ITPR1: variants seen among roughly 807,000 people sequenced by gnomAD.
The protein encoded by ITPR1 is inositol 1,4,5-trisphosphate receptor type 1, also known as inositol 1,4,5-trisphosphate-gated calcium channel ITPR1.
In ITPR1, 96 loss-of-function variants were observed where a neutral mutation model predicts 318.4. The ratio of observed to expected loss-of-function variants is 0.30; its 90% CI spans 0.26 to 0.36. The LOEUF (loss-of-function observed/expected upper bound fraction) is 0.36. Among genes scored for constraint, ITPR1 ranks in the 10% least tolerant of loss-of-function variants. The pLI is 1.00. For missense variants in ITPR1, 2,440 were observed against 3,460.2 expected (o/e 0.71, Z 7.40); for synonymous variants, 1,312 against 1,289.9 (o/e 1.02, Z -0.37).
chr3:4,636,123 A>T (rs1265257015), intron 5 of ITPR1, among the ~76,000 whole-genome samples: 28 of 152,200 alleles, frequency 1.8e-4, no homozygotes, highest in Admixed American at 1.8e-3. Flanking sequence ...CTGGGATTAC[A>T]GGCATGAGCC....
chr3:4,701,524 G>A (rs1310845108), intron 35 of ITPR1, among the ~76,000 whole-genome samples: 6 of 152,110 alleles, frequency 3.9e-5, no homozygotes, highest in African/African-American at 1.4e-4. Context: ...TACTATCTTG[G>A]GTGGCTGCAG....
chr3:4,811,180 C>T, intron 55 of ITPR1, 85 bp from the exon 56 acceptor site: 3 of 946,006 alleles, frequency 3.2e-6, no homozygotes, highest in Non-Finnish European at 4.6e-6. Context: ...AGGGCAAACT[C>T]TCTATAAACC....
intron 44 of ITPR1, among the ~76,000 whole-genome samples, chr3:4,754,605 A>G (rs528068407): frequency 6.6e-6 from 1 of 152,178 alleles, no homozygotes; most frequent in Non-Finnish European, 1.5e-5. Flanking sequence ...CACATTGTTC[A>G]TTCCTTCTTT....
At chr3:4,600,888 G>A (rs2091220761) in intron 4 of ITPR1, among the ~76,000 whole-genome samples, 1 of 152,198 alleles carries the variant, frequency 6.6e-6, no homozygotes, top group African/African-American at 2.4e-5. Context: ...TTGATTGTGT[G>A]GGGACAACTC....
At chr3:4,829,748 T>C (rs1168304648) in intron 60 of ITPR1, among the ~76,000 whole-genome samples, 2 of 152,142 alleles carry the variant, frequency 1.3e-5, no homozygotes, top group African/African-American at 2.4e-5. Flanking sequence ...TTTCATGTTG[T>C]GCATTCTGTG....
intron 30 of ITPR1, among the ~76,000 whole-genome samples, chr3:4,686,671 G>A (rs2094400428): frequency 6.6e-6 from 1 of 152,182 alleles, no homozygotes; most frequent in Admixed American, 6.5e-5. Context: ...TTTTGGATGG[G>A]CACAGACTTC....
At chr3:4,516,635 A>G in intron 3 of ITPR1, 52 bp downstream of exon 3, 1 of 1,097,616 alleles carries the variant, frequency 9.1e-7, no homozygotes, top group Non-Finnish European at 1.4e-6. Flanking sequence ...ACATCATAAC[A>G]TCAGCTTAAA....
intron 61 of ITPR1, among the ~76,000 whole-genome samples, chr3:4,840,538 T>C (rs751990655): frequency 6.6e-6 from 1 of 152,212 alleles, no homozygotes; most frequent in Non-Finnish European, 1.5e-5. Context: ...AGCTTAAATG[T>C]GGATGACTTT....
At chr3:4,514,508 AT>A (rs879332594) in intron 2 of ITPR1, among the ~76,000 whole-genome samples, 114 of 152,208 alleles carry the variant, frequency 7.5e-4, no homozygotes, top group African/African-American at 2.6e-3. Context: ...GGTGGCGGTG[AT>A]GGTTCACAAA....
At chr3:4,545,113 C>G (rs946269819) in intron 4 of ITPR1, among the ~76,000 whole-genome samples, 2 of 152,090 alleles carry the variant, frequency 1.3e-5, no homozygotes, top group Non-Finnish European at 2.9e-5. Flanking sequence ...TCTCATGAAT[C>G]AAAAGCTCCC....
At chr3:4,657,457 C>T (rs865996500) in intron 12 of ITPR1, among the ~76,000 whole-genome samples, 6 of 146,396 alleles carry the variant, frequency 4.1e-5, no homozygotes, top group Middle Eastern at 3.4e-3. Context: ...TGTAACTGCA[C>T]GTTTTTGAAA....
At chr3:4,576,709 T>G (rs2088702104) in intron 4 of ITPR1, among the ~76,000 whole-genome samples, 1 of 152,244 alleles carries the variant, frequency 6.6e-6, no homozygotes, top group Non-Finnish European at 1.5e-5. Context: ...ATTTGCAGGT[T>G]CCTTCAGAAC....
chr3:4,738,027 T>A (rs1384409578), intron 44 of ITPR1, among the ~76,000 whole-genome samples: 1 of 152,018 alleles, frequency 6.6e-6, no homozygotes, highest in African/African-American at 2.4e-5. Context: ...ACATGGACAC[T>A]TATAGGGGGA....
rs2041392439 is a variant in ITPR1, at chr3:4,711,814, G to A, written c.5049G>A (p.Lys1683=). 6.4e-7 allele frequency: 1 copy of A among 1,553,508 alleles called. No individual in the cohort carries two copies. Among genetic ancestry groups the A allele is most frequent in the Non-Finnish European group, 8.7e-7 (1 of 1,147,486 alleles). The change falls in exon 39 of 62, where the codon AAG becomes AAA. Residue 1683 remains lysine, a synonymous_variant. Coordinates refer to ENST00000649015, the MANE Select transcript of ITPR1 (RefSeq NM_001378452.1). The part of the protein sequence containing the change: ...LEENEEKLCI[K]VLQTLREMMT... ...AAAATGAAGAGAAGCTCTGCATTAA[G>A]GTCCTACAGACCCTGAGGGAAATGA...
chr3:4,662,893 G>T (rs948731735), intron 15 of ITPR1, among the ~76,000 whole-genome samples, 172 bp from the exon 16 acceptor site: 2 of 152,076 alleles, frequency 1.3e-5, no homozygotes, highest in African/African-American at 4.8e-5. Context: ...GATATGTTTT[G>T]TGTCTTTCAC....
chr3:4,765,173 TG>T (rs1442325881), intron 44 of ITPR1, among the ~76,000 whole-genome samples: 1 of 152,062 alleles, frequency 6.6e-6, no homozygotes, highest in African/African-American at 2.4e-5. Flanking sequence ...ACATGGAGGA[TG>T]ACAAGGCTAA....
At chr3:4,752,531 A>G (rs1404776579) in intron 44 of ITPR1, among the ~76,000 whole-genome samples, 1 of 152,228 alleles carries the variant, frequency 6.6e-6, no homozygotes, top group African/African-American at 2.4e-5. Flanking sequence ...ATTCCCACTT[A>G]GCAGGACTTT....
chr3:4,699,444 G>T (rs144846234), intron 34 of ITPR1, among the ~76,000 whole-genome samples: 1 of 152,174 alleles, frequency 6.6e-6, no homozygotes, highest in Admixed American at 6.5e-5. Context: ...GTCTAGAACC[G>T]AGGAATGGAT....
intron 44 of ITPR1, among the ~76,000 whole-genome samples, chr3:4,761,513 G>A (rs895559087): frequency 6.6e-6 from 1 of 152,088 alleles, no homozygotes; most frequent in Non-Finnish European, 1.5e-5. Context: ...GCCCACTGTT[G>A]ATGGGTACCT....
Sources: gnomAD v4.1 joint callset for allele counts (sites outside exome capture counted in the v4.1 genomes callset) on GRCh38, gnomAD v4.1.1 for gene constraint, MANE v1.5 for transcripts, NCBI Gene and HGNC (gene_info 2026-07-23, HGNC 2026-07-21) for gene names.